The following CACNB2 variants were observed in gnomAD, a reference collection of about 807,000 sequenced individuals.
The protein encoded by CACNB2 is calcium voltage-gated channel auxiliary subunit beta 2, also known as voltage-dependent L-type calcium channel subunit beta-2.
In CACNB2, 42 loss-of-function variants were observed where a neutral mutation model predicts 73.3. The observed-to-expected ratio is 0.57, with a 90% CI of 0.45 to 0.74. The LOEUF (loss-of-function observed/expected upper bound fraction) is 0.74. Ranked by LOEUF, CACNB2 falls within the 30% of genes least tolerant of loss-of-function variation. CACNB2 has a pLI of 0.00. For missense variants in CACNB2, 940 were observed against 853.0 expected, an observed-to-expected ratio of 1.10 and a Z score of -1.27; for synonymous variants, 348 against 310.3, an observed-to-expected ratio of 1.12 and a Z score of -1.28.
intron 3 of CACNB2, among the ~76,000 whole-genome samples, chr10:18,419,270 G>A (rs1193719641): frequency 1.3e-5 from 2 of 152,176 alleles, no homozygotes; most frequent in Non-Finnish European, 2.9e-5. Context: ...GCAAAATGGA[G>A]TATAGAAACC....
At chr10:18,448,525 GA>G (rs1030867104) in intron 3 of CACNB2, among the ~76,000 whole-genome samples, 17 of 130,254 alleles carry the variant, frequency 1.3e-4, no homozygotes, top group Admixed American at 6.7e-4. Flanking sequence ...AGAAAGGAAA[GA>G]AAAAAAAGTT....
intron 2 of CACNB2, among the ~76,000 whole-genome samples, chr10:18,197,317 T>G (rs1402713718): frequency 6.6e-6 from 1 of 152,220 alleles, no homozygotes; most frequent in Non-Finnish European, 1.5e-5. Context: ...ACACTCATTA[T>G]TATTTCATGC....
intron 2 of CACNB2, among the ~76,000 whole-genome samples, chr10:18,183,519 G>A (rs1179816686): frequency 2.0e-5 from 3 of 152,114 alleles, no homozygotes; most frequent in Non-Finnish European, 4.4e-5. Flanking sequence ...ATGGTGGAAG[G>A]GCAAGTCACG....
At chr10:18,491,639 A>G (rs77564668) in intron 3 of CACNB2, among the ~76,000 whole-genome samples, 4,633 of 152,166 alleles carry the variant, frequency 0.03, 153 homozygotes, top group South Asian at 0.14. Context: ...TGTAGTTCGA[A>G]CAAGGGCAAG....
At chr10:18,241,062 G>C (rs774616857) in intron 2 of CACNB2, among the ~76,000 whole-genome samples, 8 of 152,148 alleles carry the variant, frequency 5.3e-5, no homozygotes, top group Non-Finnish European at 8.8e-5. Flanking sequence ...CTTTGGAAAG[G>C]CTGATCAGAA....
intron 3 of CACNB2, among the ~76,000 whole-genome samples, chr10:18,470,210 G>C (rs2048108715): frequency 6.6e-6 from 1 of 151,356 alleles, no homozygotes; most frequent in African/African-American, 2.4e-5. Flanking sequence ...TTCAGGGCCA[G>C]GCATGGTGCC....
chr10:18,211,593 C>T (rs899010299), intron 2 of CACNB2, among the ~76,000 whole-genome samples: 2 of 152,048 alleles, frequency 1.3e-5, no homozygotes, highest in African/African-American at 2.4e-5. Context: ...TTATTATACA[C>T]GTGTATCTCT....
intron 1 of CACNB2, chr10:18,141,343 G>A: frequency 2.3e-6 from 2 of 861,782 alleles, no homozygotes; most frequent in Admixed American, 2.0e-5. Flanking sequence ...GGGCAGGAGG[G>A]GAGCGAATAT....
At position 18,527,715 on chromosome 10, in the gene CACNB2, G is replaced by A. The variant is rs192538011; in HGVS notation, c.1054+18G>A. The A allele has an allele frequency of 6.2e-5, 93 of 1,500,790 alleles. No individual in the cohort carries two copies. The African/African-American group carries it at 1.1e-3, about 17-fold the overall frequency. 93.0% of individuals were successfully genotyped at this position (1,500,790 alleles called of 1,614,324 possible). ...AAGCTTAGGTAAGTCTGTGCAATGAGCTTAAGCTTTTTAAACTCTCCTCTC... is the reference window on the plus strand; with the variant it reads ...AAGCTTAGGTAAGTCTGTGCAATGAACTTAAGCTTTTTAAACTCTCCTCTC... On this transcript the variant is annotated intron_variant, in intron 10 of 13. Coordinates refer to ENST00000324631, the MANE Select transcript of CACNB2 (RefSeq NM_201596.3).
At chr10:18,481,354 C>T (rs1206243456) in intron 3 of CACNB2, among the ~76,000 whole-genome samples, 5 of 135,856 alleles carry the variant, frequency 3.7e-5, no homozygotes, top group Non-Finnish European at 7.6e-5. Flanking sequence ...TCAAGTGATT[C>T]TTTTGCCTTA....
rs34022725 is a variant in CACNB2, at chr10:18,539,740, GTTT to G, written c.*33_*35del. Reference sequence around the variant, plus strand: ...CCGCCAATGAGTTTTGCCCGTTTGTGTTTTTTTTTTTTTTTTTTTGAAGTCTTG... The same window carrying G: ...CCGCCAATGAGTTTTGCCCGTTTGTGTTTTTTTTTTTTTTTTGAAGTCTTG... On this transcript the variant is annotated 3_prime_UTR_variant, in exon 14 of 14. Transcript: ENST00000324631. The G allele has an allele frequency of 0.035, 49,874 of 1,424,014 alleles. 640 individuals carry two copies. Among genetic ancestry groups the G allele is most frequent in the South Asian group, 0.14 (11,107 of 77,214 alleles). 88.2% of individuals were successfully genotyped at this position (1,424,014 alleles called of 1,614,324 possible).
chr10:18,331,310 TG>T (rs2040798349), intron 2 of CACNB2, among the ~76,000 whole-genome samples: 1 of 151,870 alleles, frequency 6.6e-6, no homozygotes, highest in Non-Finnish European at 1.5e-5. Flanking sequence ...TAGATGATGC[TG>T]GGCACAATGG....
intron 2 of CACNB2, among the ~76,000 whole-genome samples, chr10:18,246,193 C>A (rs892511913): frequency 6.6e-6 from 1 of 152,124 alleles, no homozygotes; most frequent in African/African-American, 2.4e-5. Context: ...AGAGCTTACG[C>A]CAGTTAGGAA....
Position 18,506,320 on chromosome 10 carries a change from A to T in CACNB2, c.594-151A>T, listed in dbSNP as rs1429493973. On this transcript the variant is annotated intron_variant, in intron 5 of 13. Transcript: ENST00000324631. ...TGTGGCTATTTCAAGTACTCCAGGA[A>T]TCTCCACTGGGAAATATTGTTTTCC... 15 of 652,162 alleles carry T rather than the reference A, an allele frequency of 2.3e-5. No homozygotes were observed. The East Asian group carries it at 3.6e-4, about 16-fold the overall frequency. 40.4% of individuals were successfully genotyped at this position (652,162 alleles called of 1,614,324 possible). A position where few individuals can be genotyped will look rare whatever the true frequency, so the allele number is the denominator to read the frequency against.
intron 2 of CACNB2, among the ~76,000 whole-genome samples, chr10:18,325,696 T>C: frequency 9.0e-6 from 1 of 111,406 alleles, no homozygotes; most frequent in African/African-American, 3.5e-5. Context: ...CCTCCCTTCC[T>C]TCCTTCCTTC....
intron 2 of CACNB2, among the ~76,000 whole-genome samples, chr10:18,159,387 G>T (rs992093272): frequency 9.9e-5 from 15 of 152,172 alleles, no homozygotes; most frequent in African/African-American, 3.4e-4. Flanking sequence ...ATTTTCAAGC[G>T]CCATTGTTCT....
At chr10:18,430,460 T>TA (rs926112057) in intron 3 of CACNB2, among the ~76,000 whole-genome samples, 386 of 147,302 alleles carry the variant, frequency 2.6e-3, no homozygotes, top group Non-Finnish European at 2.8e-3. Flanking sequence ...CCCTGTCTCT[T>TA]AAAAAAAAAA....
intron 2 of CACNB2, among the ~76,000 whole-genome samples, chr10:18,191,341 C>T (rs531775361): frequency 6.6e-6 from 1 of 152,284 alleles, no homozygotes; most frequent in African/African-American, 2.4e-5. Flanking sequence ...ACACCAGCTG[C>T]CCCCCGTGTA....
At chr10:18,522,981 T>A (rs1389383516) in intron 9 of CACNB2, among the ~76,000 whole-genome samples, 1 of 150,870 alleles carries the variant, frequency 6.6e-6, no homozygotes, top group African/African-American at 2.5e-5. Flanking sequence ...TTTCAAGGTA[T>A]GAAAAGACTT....
Sources: allele counts gnomAD v4.1 joint callset (sites outside exome capture counted in the v4.1 genomes callset), GRCh38; gene constraint gnomAD v4.1.1; transcripts MANE v1.5; gene names NCBI Gene and HGNC (gene_info 2026-07-23, HGNC 2026-07-21).